The following MALT1 variants were observed in gnomAD, a reference collection of about 807,000 sequenced individuals.
MALT1 encodes mucosa-associated lymphoid tissue lymphoma translocation protein 1.
Under a neutral mutation model 85.5 loss-of-function variants are expected in MALT1, and 36 were observed. The observed-to-expected ratio is 0.42, with a 90% CI of 0.32 to 0.56. MALT1 has a LOEUF of 0.56. Ranked by LOEUF, MALT1 falls within the 20% of genes least tolerant of loss-of-function variation. The pLI is 0.10. For missense variants in MALT1, 716 were observed against 981.6 expected, an observed-to-expected ratio of 0.73 and a Z score of 3.62; for synonymous variants, 359 against 361.3, an observed-to-expected ratio of 0.99 and a Z score of 0.07.
At position 58,749,500 on chromosome 18, in the gene MALT1, G is replaced by A. The variant is rs2055418081; in HGVS notation, c.*1658G>A. 4.6e-6 allele frequency: 1 copy of A among 216,090 alleles called. No individual in the cohort carries two copies. The highest frequency in any genetic ancestry group is 9.3e-6 in the Non-Finnish European group (1 of 107,348). 13.4% of individuals were successfully genotyped at this position (216,090 alleles called of 1,614,324 possible). A position where few individuals can be genotyped will look rare whatever the true frequency, so the allele number is the denominator to read the frequency against. On this transcript the variant is annotated 3_prime_UTR_variant, in exon 17 of 17. Coordinates refer to ENST00000649217, the MANE Select transcript of MALT1 (RefSeq NM_006785.4). ...TCATTTCTCTATGAGACTGAAGCAG[G>A]AAGGCAGAGCATCATCTTGTTCAGC...
rs542114412 is a variant in MALT1 at position 58,741,873 on chromosome 18, A to C, written c.1612A>C (p.Lys538Gln). 27 of 1,510,664 alleles carry C rather than the reference A, an allele frequency of 1.8e-5. No individual in the cohort carries two copies. The South Asian group carries it at 3.3e-4, about 19-fold the overall frequency. The allele number at this position is 1,510,664 out of a possible 1,614,324, so 93.6% of individuals were successfully genotyped here. Residue 538 changes from lysine (K) to glutamine (Q), a missense_variant, in exon 14 of 17, where the codon AAG (lysine) becomes CAG (glutamine). Transcript: ENST00000649217. The part of the protein sequence containing the change: ...LLDEVAEDMG[K>Q]CHLTKGKQAL... ...ATTTTCATATCTTTTAGATATGGGT[A>C]AGTGTCACCTTACCAAAGGCAAACA... is the stretch of plus-strand genomic sequence containing the variant.
At chr18:58,714,628 A>C (rs1430069934) in intron 8 of MALT1, among the ~76,000 whole-genome samples, 1 of 152,070 alleles carries the variant, frequency 6.6e-6, no homozygotes, top group Non-Finnish European at 1.5e-5. Flanking sequence ...TTTCTTAATG[A>C]GTGACAGTTG....
intron 14 of MALT1, among the ~76,000 whole-genome samples, chr18:58,743,484 G>C (rs540892709): frequency 2.0e-5 from 3 of 152,086 alleles, no homozygotes; most frequent in Non-Finnish European, 4.4e-5. Flanking sequence ...AACTGGATAA[G>C]TAATTGAATG....
intron 7 of MALT1, among the ~76,000 whole-genome samples, chr18:58,712,246 C>T (rs1414003843): frequency 1.3e-5 from 2 of 151,990 alleles, no homozygotes; most frequent in Non-Finnish European, 2.9e-5. Flanking sequence ...CAATGAAAGT[C>T]CACAAAATTG....
chr18:58,717,746 CAAA>C (rs35207196), intron 9 of MALT1, among the ~76,000 whole-genome samples: 19 of 100,568 alleles, frequency 1.9e-4, no homozygotes, highest in Admixed American at 3.3e-4. Flanking sequence ...ACTCTTGTCT[CAAA>C]AAAAAAAAAA....
intron 13 of MALT1, among the ~76,000 whole-genome samples, chr18:58,738,007 T>G (rs2055249152): frequency 6.6e-6 from 1 of 152,218 alleles, no homozygotes. Context: ...AGCATTATTA[T>G]TAGAAGTGTT....
intron 13 of MALT1, among the ~76,000 whole-genome samples, chr18:58,740,083 A>G (rs988499278): frequency 2.6e-5 from 4 of 152,176 alleles, no homozygotes; most frequent in African/African-American, 7.2e-5. Flanking sequence ...GTCAATTTTG[A>G]TAAGTTATAT....
At chr18:58,704,788 T>A (rs1403714568) in intron 4 of MALT1, among the ~76,000 whole-genome samples, 2 of 151,932 alleles carry the variant, frequency 1.3e-5, no homozygotes, top group East Asian at 3.9e-4. Context: ...ATAGTATATG[T>A]TTTTCATTCT....
chr18:58,713,321 C>T (rs2054857964), intron 7 of MALT1, among the ~76,000 whole-genome samples: 2 of 151,960 alleles, frequency 1.3e-5, no homozygotes, highest in Admixed American at 1.3e-4. Flanking sequence ...ATAAGATGTC[C>T]CATGGGGTAC....
Position 58,748,301 on chromosome 18 carries a change from A to G in MALT1, c.*459A>G. On this transcript the variant is annotated 3_prime_UTR_variant, in exon 17 of 17. Coordinates refer to ENST00000649217, the MANE Select transcript of MALT1 (RefSeq NM_006785.4). ...ACTGAGACCTCCAGAAATCTATTCC[A>G]GTATTTTTTCCACTACACAACTGCC... The G allele has an allele frequency of 4.7e-6, 1 of 212,468 alleles. No homozygotes were observed. Among genetic ancestry groups the G allele is most frequent in the Non-Finnish European group, 9.6e-6 (1 of 104,704 alleles). The allele number at this position is 212,468 out of a possible 1,614,324, so 13.2% of individuals were successfully genotyped here. A position where few individuals can be genotyped will look rare whatever the true frequency, so the allele number is the denominator to read the frequency against.
chr18:58,730,246 TA>T (rs2055128483), intron 10 of MALT1, among the ~76,000 whole-genome samples: 1 of 152,210 alleles, frequency 6.6e-6, no homozygotes, highest in Non-Finnish European at 1.5e-5. Flanking sequence ...CAGTCACCAC[TA>T]CCTAACTTCA....
chr18:58,714,286 T>C (rs890087872), intron 8 of MALT1, among the ~76,000 whole-genome samples, 177 bp downstream of exon 8: 1 of 152,198 alleles, frequency 6.6e-6, no homozygotes, highest in African/African-American at 2.4e-5. Flanking sequence ...AAGTGATACA[T>C]TAAAAATATT....
At chr18:58,688,972 C>G (rs2054453635) in intron 2 of MALT1, among the ~76,000 whole-genome samples, 1 of 151,954 alleles carries the variant, frequency 6.6e-6, no homozygotes, top group Non-Finnish European at 1.5e-5. Context: ...GGCAACATGG[C>G]AAAACCCTGC....
Position 58,747,437 on chromosome 18 carries a change from T to C in MALT1, c.2070T>C (p.Tyr690=), listed in dbSNP as rs1224832854. 4 of 1,613,722 alleles carry C rather than the reference T, an allele frequency of 2.5e-6. No individual in the cohort carries two copies. Among genetic ancestry groups the C allele is most frequent in the Non-Finnish European group, 3.4e-6 (4 of 1,179,724 alleles). ...TAGTCTTCACAGTATGTTTATCATATCAGTACTCAGGATTGGAAGATACTG... is the reference window on the plus strand; with the variant it reads ...TAGTCTTCACAGTATGTTTATCATACCAGTACTCAGGATTGGAAGATACTG... ...EHLVFTVCLS[Y]QYSGLEDTVE... is the part of the protein sequence containing the mutation. Residue 690 remains tyrosine (Y), a synonymous_variant, in exon 17 of 17, where the codon TAT becomes TAC. Transcript: ENST00000649217.
rs764214098 is a variant in MALT1 at position 58,747,849 on chromosome 18, T to A, written c.*7T>A. ...CAGAATTTCTGAAAAATGACCTCCT[T>A]GTTTTTGAAAGTTAGCATAATTTTA... On this transcript the variant is annotated 3_prime_UTR_variant, in exon 17 of 17. Coordinates refer to ENST00000649217, the MANE Select transcript of MALT1 (RefSeq NM_006785.4). 3.1e-6 allele frequency: 5 copies of A among 1,607,256 alleles called. No homozygotes were observed. Among genetic ancestry groups the A allele is most frequent in the Non-Finnish European group, 4.3e-6 (5 of 1,175,498 alleles).
In MALT1 at chr18:58,722,890, TTACA is replaced by T. The variant is rs770750260; in HGVS notation, c.1019-155_1019-152del. On this transcript the variant is annotated intron_variant, in intron 9 of 16. Transcript: ENST00000649217. ...TGTTCCTCAGAGAATATTGATCTGC[TTACA>T]TAAATAGTTCTAAAATGAAATTAAA... Among the ~76,000 whole-genome samples the T allele has an allele frequency of 3.3e-5, 5 of 152,350 alleles. No homozygotes were observed. In the East Asian group the frequency reaches 9.6e-4, roughly 29 times the overall value.
At chr18:58,730,103 A>G (rs1413315716) in intron 10 of MALT1, among the ~76,000 whole-genome samples, 1 of 152,214 alleles carries the variant, frequency 6.6e-6, no homozygotes, top group Admixed American at 6.5e-5. Context: ...AAATAAGTTT[A>G]TCTTGCTCTT....
intron 9 of MALT1, 39 bp from the exon 10 acceptor site, chr18:58,723,009 A>C: frequency 6.8e-7 from 1 of 1,466,050 alleles, no homozygotes; most frequent in African/African-American, 1.4e-5. Flanking sequence ...TTTAATCTTT[A>C]TATCTTCTTT....
chr18:58,742,968 T>C (rs2055322150), intron 14 of MALT1, among the ~76,000 whole-genome samples: 6 of 152,244 alleles, frequency 3.9e-5, no homozygotes, highest in Admixed American at 3.3e-4. Flanking sequence ...CCAATTGAAA[T>C]AATTTTGGAT....
Sources: allele counts gnomAD v4.1 joint callset (sites outside exome capture counted in the v4.1 genomes callset), GRCh38; gene constraint gnomAD v4.1.1; transcripts MANE v1.5; gene names NCBI Gene and HGNC (gene_info 2026-07-23, HGNC 2026-07-21).